The following GNA15 variants were observed in gnomAD, a reference collection of about 807,000 sequenced individuals.
The protein encoded by GNA15 is guanine nucleotide-binding protein subunit alpha-15.
GNA15 carries 23 observed loss-of-function variants against 40.1 expected under a neutral mutation model. The ratio of observed to expected loss-of-function variants is 0.57; its 90% CI spans 0.41 to 0.81. The LOEUF (loss-of-function observed/expected upper bound fraction) is 0.81, where lower values mean the gene tolerates loss of function less well. Ranked by LOEUF, GNA15 falls within the 40% of genes least tolerant of loss-of-function variation. The probability of loss-of-function intolerance (pLI) is 0.00; values close to 1 mark genes in which losing one functional copy is unlikely to be tolerated. For missense variants in GNA15, 522 were observed against 515.8 expected, an observed-to-expected ratio of 1.01 and a Z score of -0.12; for synonymous variants, 226 against 210.4, an observed-to-expected ratio of 1.07 and a Z score of -0.64.
intron 1 of GNA15, among the ~76,000 whole-genome samples, chr19:3,140,934 T>G (rs1459376106): frequency 1.3e-5 from 2 of 152,238 alleles, no homozygotes; most frequent in African/African-American, 4.8e-5. Flanking sequence ...CAGGCACTGA[T>G]GTAGCACTGT....
At chr19:3,161,135 G>A (rs929880580) in intron 6 of GNA15, among the ~76,000 whole-genome samples, 4 of 151,928 alleles carry the variant, frequency 2.6e-5, no homozygotes, top group African/African-American at 9.7e-5. Context: ...GTAGAGACAG[G>A]GTTTCGCCAT....
intron 5 of GNA15, among the ~76,000 whole-genome samples, chr19:3,156,167 C>G (rs1915009107): frequency 8.6e-6 from 1 of 116,896 alleles, no homozygotes. Context: ...ACCCCAGACA[C>G]ACACACACAC....
At chr19:3,160,585 G>A (rs1251681538) in intron 6 of GNA15, among the ~76,000 whole-genome samples, 1 of 152,194 alleles carries the variant, frequency 6.6e-6, no homozygotes, top group Non-Finnish European at 1.5e-5. Context: ...CATGCATACA[G>A]GGAGGGAAGG....
At chr19:3,160,437 G>A (rs1454059398) in intron 6 of GNA15, among the ~76,000 whole-genome samples, 1 of 152,194 alleles carries the variant, frequency 6.6e-6, no homozygotes, top group Non-Finnish European at 1.5e-5. Flanking sequence ...ACAGACTTCA[G>A]CCCAGGTGGA....
At chr19:3,156,194 A>G (rs1915010554) in intron 5 of GNA15, among the ~76,000 whole-genome samples, 2 of 92,068 alleles carry the variant, frequency 2.2e-5, no homozygotes, top group African/African-American at 8.7e-5. Flanking sequence ...ACACACACAC[A>G]CACACACACT....
intron 1 of GNA15, among the ~76,000 whole-genome samples, chr19:3,140,712 G>A (rs1914558344): frequency 6.6e-6 from 1 of 152,134 alleles, no homozygotes; most frequent in Admixed American, 6.6e-5. Flanking sequence ...TGTACAATGA[G>A]CCTGCCATAT....
intron 1 of GNA15, among the ~76,000 whole-genome samples, chr19:3,144,784 T>C (rs1205750118): frequency 6.6e-6 from 1 of 151,610 alleles, no homozygotes; most frequent in African/African-American, 2.4e-5. Context: ...CGCCTTGGCC[T>C]CCCATAGTGC....
Position 3,157,748 on chromosome 19 carries a change from C to G in GNA15, c.765C>G (p.Leu255=), listed in dbSNP as rs374548182. The G allele has an allele frequency of 1.7e-5, 27 of 1,614,086 alleles. No homozygotes were observed. The African/African-American group carries it at 3.3e-4, about 20-fold the overall frequency. The change falls in exon 6 of 7, where the codon CTC becomes CTG. Residue 255 remains leucine (L), a synonymous_variant. Coordinates refer to ENST00000262958, the MANE Select transcript of GNA15 (RefSeq NM_002068.4). ...NNQENRMKES[L]ALFGTILELP... ...CACAGAACCGCATGAAGGAGAGCCT[C>G]GCATTGTTTGGGACTATCCTGGAAC... is the stretch of plus-strand genomic sequence containing the variant.
rs149959587 is a variant in GNA15 at position 3,160,937 on chromosome 19, CTTTTT to C, written c.899-1837_899-1833del. 7.6e-4 allele frequency among the ~76,000 whole-genome samples: 77 copies of C among 101,432 alleles called. 1 individual carries two copies. The highest frequency in any genetic ancestry group is 3.9e-3 in the South Asian group (12 of 3,086). The allele number at this position is 101,432 out of a possible 152,430, so 66.5% of individuals were successfully genotyped here. A position where few individuals can be genotyped will look rare whatever the true frequency, so the allele number is the denominator to read the frequency against. On this transcript the variant is annotated intron_variant, in intron 6 of 6. Coordinates refer to ENST00000262958, the MANE Select transcript of GNA15 (RefSeq NM_002068.4). ...TAGGGCCCATACTTTGGTATGACCACTTTTTTTTTTTTTTTTTTTTTTTGAGACAA... is the reference window on the plus strand; with the variant it reads ...TAGGGCCCATACTTTGGTATGACCACTTTTTTTTTTTTTTTTTTGAGACAA...
intron 5 of GNA15, 68 bp from the exon 6 acceptor site, chr19:3,157,660 C>T (rs1016648809): frequency 2.8e-6 from 4 of 1,442,372 alleles, no homozygotes; most frequent in South Asian, 1.2e-5. Context: ...GCCCCGTCTC[C>T]GCGATGGGAG....
Position 3,155,784 on chromosome 19 carries a change from C to A in GNA15, c.615-39C>A. The A allele has an allele frequency of 6.2e-7, 1 of 1,603,352 alleles. No individual in the cohort carries two copies. The highest frequency in any genetic ancestry group is 1.1e-5 in the South Asian group (1 of 89,962). On this transcript the variant is annotated intron_variant, in intron 4 of 6. Coordinates refer to ENST00000262958, the MANE Select transcript of GNA15 (RefSeq NM_002068.4). The surrounding 1 kb of genome is among the most constrained non-coding windows in gnomAD (Gnocchi z 5.6). ...GGGGTTGGGGGTGTCACGGAGCAGG[C>A]TCCTGAGCTCTGAAAGGGGGCACCT...
At chr19:3,154,260 T>C (rs957916699) in intron 4 of GNA15, among the ~76,000 whole-genome samples, 1 of 147,316 alleles carries the variant, frequency 6.8e-6, no homozygotes, top group Non-Finnish European at 1.5e-5. Context: ...GGGTGATGGA[T>C]GGATGGATGA....
chr19:3,162,218 T>C (rs1038032253), intron 6 of GNA15, among the ~76,000 whole-genome samples: 6 of 151,344 alleles, frequency 4.0e-5, no homozygotes, highest in Non-Finnish European at 8.8e-5. Context: ...GGCGGGCTGA[T>C]CATTTGAGGT....
At chr19:3,147,747 C>T (rs1318420522) in intron 1 of GNA15, among the ~76,000 whole-genome samples, 3 of 151,000 alleles carry the variant, frequency 2.0e-5, no homozygotes, top group Non-Finnish European at 1.5e-5. Context: ...ATTAGCCGGG[C>T]GTGGTGGCGG....
rs113126588 is a variant in GNA15 at position 3,163,187 on chromosome 19, G to A, written c.*168G>A. The A allele has an allele frequency of 0.025, 15,127 of 606,738 alleles. 249 individuals are homozygous for A. Among genetic ancestry groups the A allele is most frequent in the Middle Eastern group, 0.089 (205 of 2,292 alleles). The allele number at this position is 606,738 out of a possible 1,614,324, so 37.6% of individuals were successfully genotyped here. ...CGCTCTCTTCTCTGCCTCTCACCAG[G>A]ACAGCCGCCCCCCAGGGTACTCCTG... is the stretch of plus-strand genomic sequence containing the variant. On this transcript the variant is annotated 3_prime_UTR_variant, in exon 7 of 7. Transcript: ENST00000262958.
chr19:3,159,346 CTTTTTTTT>C (rs112224395), intron 6 of GNA15, among the ~76,000 whole-genome samples: 2 of 115,148 alleles, frequency 1.7e-5, no homozygotes, highest in African/African-American at 6.9e-5. Context: ...AATTTCTTTT[CTTTTTTTT>C]TTTTTTTTTG....
chr19:3,160,428 C>T (rs1483374357), intron 6 of GNA15, among the ~76,000 whole-genome samples: 2 of 152,214 alleles, frequency 1.3e-5, no homozygotes, highest in Admixed American at 6.5e-5. Context: ...TCAGGGTAGA[C>T]AGACTTCAGC....
chr19:3,162,857 C>T lies in GNA15; in HGVS notation c.963C>T (p.Thr321=), dbSNP rs1915171165. The change falls in exon 7 of 7, where the codon ACC becomes ACT. Residue 321 remains threonine, a synonymous_variant. Transcript: ENST00000262958. ...TGGACATGTACACGAGGATGTACAC[C>T]GGGTGCGTGGACGGCCCCGAGGGCA... ...FILDMYTRMY[T]GCVDGPEGSK... The T allele has an allele frequency of 1.2e-6, 2 of 1,613,886 alleles. No individual in the cohort carries two copies. Among genetic ancestry groups the T allele is most frequent in the African/African-American group, 1.3e-5 (1 of 74,896 alleles).
intron 6 of GNA15, among the ~76,000 whole-genome samples, chr19:3,162,398 A>T (rs1915158645): frequency 6.6e-6 from 1 of 151,570 alleles, no homozygotes; most frequent in Non-Finnish European, 1.5e-5. Flanking sequence ...GAAAAAAAAA[A>T]AGAGGACTCT....
Sources: gnomAD v4.1 joint callset for allele counts (sites outside exome capture counted in the v4.1 genomes callset) on GRCh38, gnomAD v4.1.1 for gene constraint, Gnocchi (gnomAD v3.1) non-coding constraint, MANE v1.5 for transcripts, NCBI Gene and HGNC (gene_info 2026-07-23, HGNC 2026-07-21) for gene names.